Variants in DISP1 observed in about 807,000 individuals in gnomAD.
The protein encoded by DISP1 is dispatched RND transporter family member 1.
DISP1 carries 30 observed loss-of-function variants against 37.3 expected under a neutral mutation model. The observed-to-expected ratio is 0.80, with a 90% CI of 0.60 to 1.09. The LOEUF (loss-of-function observed/expected upper bound fraction) is 1.09, where lower values mean the gene tolerates loss of function less well. Ranked by LOEUF, DISP1 falls within the 50% of genes least tolerant of loss-of-function variation. DISP1 has a pLI of 0.00. For missense variants in DISP1, 1,598 were observed against 1,879.5 expected (o/e 0.85, Z 2.77); for synonymous variants, 634 against 690.2 (o/e 0.92, Z 1.28).
chr1:222,861,094 G>A (rs576845282), intron 1 of DISP1, among the ~76,000 whole-genome samples: 1 of 152,236 alleles, frequency 6.6e-6, no homozygotes, highest in South Asian at 2.1e-4. Flanking sequence ...CCTAGGGCCA[G>A]GGTATCTTCT....
chr1:222,868,359 GTATATATGTT>G (rs935126576), intron 1 of DISP1, among the ~76,000 whole-genome samples: 2 of 151,904 alleles, frequency 1.3e-5, no homozygotes, highest in African/African-American at 4.8e-5. Context: ...ATATGTGTGT[GTATATATGTT>G]TATATATGTA....
At chr1:222,920,990 T>A (rs1672778384) in intron 1 of DISP1, among the ~76,000 whole-genome samples, 1 of 152,184 alleles carries the variant, frequency 6.6e-6, no homozygotes, top group Admixed American at 6.5e-5. Flanking sequence ...TAAGACACTT[T>A]ATCACAGAAA....
At chr1:222,838,435 C>T (rs1404675360) in intron 1 of DISP1, among the ~76,000 whole-genome samples, 1 of 151,900 alleles carries the variant, frequency 6.6e-6, no homozygotes, top group Non-Finnish European at 1.5e-5. Context: ...TAAGCCTTTT[C>T]TTCCAATGTT....
At position 222,837,103 on chromosome 1, in the gene DISP1, C is replaced by T. The variant is rs75706250; in HGVS notation, c.-159+22025C>T. The T allele has an allele frequency of 4.2e-3, 1,665 of 398,400 alleles. 20 individuals are homozygous for T. The highest frequency in any genetic ancestry group is 0.031 in the African/African-American group (1,531 of 48,694). 24.7% of individuals were successfully genotyped at this position (398,400 alleles called of 1,614,324 possible). On this transcript the variant is annotated intron_variant, in intron 1 of 8. Coordinates refer to ENST00000675850, the MANE Select transcript of DISP1 (RefSeq NM_001377229.1). ...TAGATTGGGCCCAGTAAGTTTGGGC[C>T]GTTGGGATGTGAAAGGAAGAGATGC...
chr1:222,866,740 A>G (rs896022920), intron 1 of DISP1, among the ~76,000 whole-genome samples: 1 of 152,194 alleles, frequency 6.6e-6, no homozygotes, highest in African/African-American at 2.4e-5. Flanking sequence ...CATATAACCT[A>G]AAGGTAGTTA....
intron 1 of DISP1, among the ~76,000 whole-genome samples, chr1:222,819,689 C>T (rs555830791): frequency 1.5e-3 from 223 of 151,836 alleles, no homozygotes; most frequent in African/African-American, 5.2e-3. Context: ...TACAGGCACC[C>T]GCCACCATGC....
At chr1:222,828,287 C>T (rs1315802013) in intron 1 of DISP1, among the ~76,000 whole-genome samples, 2 of 151,980 alleles carry the variant, frequency 1.3e-5, no homozygotes, top group Admixed American at 1.3e-4. Flanking sequence ...TCCATTTTCC[C>T]CCCTTTGAAC....
At chr1:222,934,335 G>C (rs1446086373) in intron 2 of DISP1, among the ~76,000 whole-genome samples, 2 of 152,020 alleles carry the variant, frequency 1.3e-5, no homozygotes. Flanking sequence ...TGTGAAAAAA[G>C]GGGCTTGACA....
intron 1 of DISP1, among the ~76,000 whole-genome samples, chr1:222,882,411 G>A (rs1236912758): frequency 1.3e-5 from 2 of 152,104 alleles, no homozygotes; most frequent in African/African-American, 2.4e-5. Context: ...TTCTATTTTA[G>A]TAACCTGGGA....
chr1:222,876,043 G>C (rs1314611172), intron 1 of DISP1, among the ~76,000 whole-genome samples: 3 of 151,836 alleles, frequency 2.0e-5, no homozygotes. Flanking sequence ...AGGGAAACTT[G>C]ATCTATCAGA....
chr1:222,929,067 TTTGGTGAAGATACCCTC>T (rs199903734), intron 2 of DISP1, among the ~76,000 whole-genome samples: 464 of 152,240 alleles, frequency 3.0e-3, no homozygotes, highest in African/African-American at 0.011. Context: ...AAGAGAGTAG[TTTGGTGAAGATACCCTC>T]TTGTGAACTA....
Position 222,985,235 on chromosome 1 carries a change from C to T in DISP1, c.539+2126C>T, listed in dbSNP as rs369058125. The stretch of plus-strand genomic sequence containing the variant: ...ACAGAGTTCTAATTTCTTTTACGTA[C>T]ATGTGCATATAAATATAACTTCTTC... On this transcript the variant is annotated intron_variant, in intron 4 of 8. Transcript: ENST00000675850. Among the ~76,000 whole-genome samples, 49 of 152,342 alleles carry T rather than the reference C, an allele frequency of 3.2e-4. No individual in the cohort carries two copies. In the Middle Eastern group the frequency reaches 0.01, roughly 32 times the overall value.
intron 3 of DISP1, among the ~76,000 whole-genome samples, chr1:222,944,943 T>G (rs1351368984): frequency 1.3e-5 from 2 of 152,012 alleles, no homozygotes; most frequent in African/African-American, 4.8e-5. Flanking sequence ...TTCGGGAGGT[T>G]GAGGTGGAAG....
chr1:222,820,796 A>T (rs1662670446), intron 1 of DISP1, among the ~76,000 whole-genome samples: 1 of 152,192 alleles, frequency 6.6e-6, no homozygotes, highest in Non-Finnish European at 1.5e-5. Context: ...TGTGCTTAGC[A>T]TAATGCCTGC....
At chr1:222,828,147 T>C (rs1664873636) in intron 1 of DISP1, among the ~76,000 whole-genome samples, 1 of 152,230 alleles carries the variant, frequency 6.6e-6, no homozygotes, top group Non-Finnish European at 1.5e-5. Flanking sequence ...TAAAAGCAGG[T>C]GACTTGTCTG....
chr1:222,863,152 G>C (rs911167747), intron 1 of DISP1, among the ~76,000 whole-genome samples: 1 of 152,082 alleles, frequency 6.6e-6, no homozygotes, highest in Non-Finnish European at 1.5e-5. Flanking sequence ...ACAAATACGA[G>C]CAACTCATCA....
At chr1:222,984,441 G>T (rs201688586) in intron 4 of DISP1, among the ~76,000 whole-genome samples, 3,569 of 126,028 alleles carry the variant, frequency 0.028, 189 homozygotes, top group African/African-American at 0.055. Context: ...TATATAGAGA[G>T]AGAGAGAGAG....
chr1:222,977,117 C>T (rs957411231), intron 3 of DISP1, among the ~76,000 whole-genome samples: 5 of 152,114 alleles, frequency 3.3e-5, no homozygotes, highest in African/African-American at 7.2e-5. Flanking sequence ...GCAACCTCCG[C>T]CTCCCAGGTT....
intron 1 of DISP1, chr1:222,837,293 G>T: frequency 1.3e-5 from 5 of 386,076 alleles, no homozygotes; most frequent in Non-Finnish European, 2.3e-5. Flanking sequence ...GCTAGTCTGG[G>T]TTCCCTGGAG....
Sources: allele counts gnomAD v4.1 joint callset (sites outside exome capture counted in the v4.1 genomes callset), GRCh38; gene constraint gnomAD v4.1.1; transcripts MANE v1.5; gene names NCBI Gene and HGNC (gene_info 2026-07-23, HGNC 2026-07-21).